The following RC3H1 variants were observed in gnomAD, a reference collection of about 807,000 sequenced individuals.
The protein encoded by RC3H1 is ring finger and CCCH-type domains 1.
Under a neutral mutation model 138.2 loss-of-function variants are expected in RC3H1, and 50 were observed. The observed-to-expected ratio is 0.36, with a 90% CI of 0.29 to 0.46. The LOEUF is 0.46. Ranked by LOEUF, RC3H1 falls within the 20% of genes least tolerant of loss-of-function variation. The pLI, the probability that RC3H1 is intolerant of heterozygous loss-of-function variation, is 1.00. For missense variants in RC3H1, 1,031 were observed against 1,388.1 expected (o/e 0.74, Z 4.09); for synonymous variants, 462 against 489.1 (o/e 0.94, Z 0.73).
intron 13 of RC3H1, 99 bp downstream of exon 13, chr1:173,960,978 G>GA (rs1231145825): frequency 3.4e-5 from 41 of 1,214,612 alleles, no homozygotes; most frequent in East Asian, 9.7e-5. Context: ...AGGAAAACAG[G>GA]AAAAAAAATC....
At chr1:174,016,688 C>G (rs530863840) in intron 1 of RC3H1, among the ~76,000 whole-genome samples, 1 of 151,760 alleles carries the variant, frequency 6.6e-6, no homozygotes, top group Admixed American at 6.6e-5. Flanking sequence ...GAAATATTTA[C>G]TAAGAACATA....
At chr1:174,020,777 G>A (rs910219088) in intron 1 of RC3H1, among the ~76,000 whole-genome samples, 6 of 152,236 alleles carry the variant, frequency 3.9e-5, no homozygotes, top group Admixed American at 2.6e-4. Context: ...GGGAGGCGGA[G>A]GAGGGCAGAT....
intron 1 of RC3H1, among the ~76,000 whole-genome samples, chr1:174,014,878 A>G (rs1661832818): frequency 6.6e-6 from 1 of 152,192 alleles, no homozygotes; most frequent in African/African-American, 2.4e-5. Context: ...TCTACTGTAT[A>G]TATGTTTATG....
At chr1:173,939,931 C>A (rs1658772181) in intron 19 of RC3H1, among the ~76,000 whole-genome samples, 1 of 152,114 alleles carries the variant, frequency 6.6e-6, no homozygotes, top group East Asian at 1.9e-4. Flanking sequence ...TATATATCAT[C>A]AGGGGGGCAA....
rs1266909647 is a variant in RC3H1, at chr1:173,933,407, G to A, written c.*5314C>T. 2 of 152,028 alleles carry A rather than the reference G, an allele frequency of 1.3e-5. No homozygotes were observed. The highest frequency in any genetic ancestry group is 3.9e-4 in the East Asian group (2 of 5,180). The allele number at this position is 152,028 out of a possible 1,614,324, so 9.4% of individuals were successfully genotyped here. ...TTAAAAGGTGTTACTTATTCCTGGT[G>A]GTGATAGTCTTACTCTTTATTAACA... On this transcript the variant is annotated 3_prime_UTR_variant, in exon 20 of 20. Transcript: ENST00000367696.
intron 12 of RC3H1, 69 bp from the exon 13 acceptor site, chr1:173,961,313 A>T: frequency 7.3e-7 from 1 of 1,373,096 alleles, no homozygotes; most frequent in Non-Finnish European, 1.0e-6. Context: ...TAATATACTC[A>T]GCGTATATTT....
intron 1 of RC3H1, among the ~76,000 whole-genome samples, chr1:173,994,809 A>G (rs918028817): frequency 1.5e-4 from 23 of 151,768 alleles, no homozygotes; most frequent in Non-Finnish European, 2.5e-4. Flanking sequence ...AAAAAAAAAA[A>G]AAAAAGAAAA....
chr1:173,988,222 C>A (rs953962259), intron 2 of RC3H1, among the ~76,000 whole-genome samples: 2 of 151,934 alleles, frequency 1.3e-5, no homozygotes, highest in Admixed American at 1.3e-4. Context: ...ACTGTTTCAC[C>A]AATTCTATCC....
chr1:173,959,527 TTGGGAGGCCAA>T (rs1219291182), intron 13 of RC3H1, among the ~76,000 whole-genome samples: 9 of 152,116 alleles, frequency 5.9e-5, no homozygotes, highest in Admixed American at 5.9e-4. Context: ...TCCCAGCACT[TTGGGAGGCCAA>T]GACGGGCAGA....
chr1:173,978,942 A>G (rs1326576372), intron 6 of RC3H1, among the ~76,000 whole-genome samples: 1 of 152,060 alleles, frequency 6.6e-6, no homozygotes, highest in Non-Finnish European at 1.5e-5. Context: ...TCTCCCCATT[A>G]ATTTACTAGA....
Position 173,942,324 on chromosome 1 carries a change from T to G in RC3H1, c.3136-944A>C, listed in dbSNP as rs866920165. ...GGCAGGCACCTGTAATCCCAGCTACTCGGGAGACTGAGGCAGGAGAATCAC... is the reference window on the plus strand; with the variant it reads ...GGCAGGCACCTGTAATCCCAGCTACGCGGGAGACTGAGGCAGGAGAATCAC... On this transcript the variant is annotated intron_variant, in intron 18 of 19. Transcript: ENST00000367696. Among the ~76,000 whole-genome samples the G allele has an allele frequency of 2.5e-4, 37 of 147,206 alleles. No homozygotes were observed. In the Middle Eastern group the frequency reaches 0.018, roughly 73 times the overall value.
At chr1:173,976,621 A>C (rs1660599016) in intron 7 of RC3H1, among the ~76,000 whole-genome samples, 1 of 152,074 alleles carries the variant, frequency 6.6e-6, no homozygotes, top group Admixed American at 6.5e-5. Context: ...GTGCCAAAAA[A>C]AGAAATGAAG....
intron 2 of RC3H1, among the ~76,000 whole-genome samples, chr1:173,985,324 A>G (rs1030171991): frequency 2.7e-5 from 4 of 147,540 alleles, no homozygotes; most frequent in Admixed American, 2.7e-4. Flanking sequence ...GTATATACCT[A>G]GGAGTCTGTA....
chr1:173,982,163 T>G (rs1174654818), intron 5 of RC3H1, among the ~76,000 whole-genome samples: 5 of 152,226 alleles, frequency 3.3e-5, no homozygotes. Flanking sequence ...GCAGATCACC[T>G]GAGGTCAGGA....
chr1:173,982,294 G>A (rs551713919), intron 5 of RC3H1, among the ~76,000 whole-genome samples: 26 of 152,098 alleles, frequency 1.7e-4, no homozygotes, highest in African/African-American at 4.1e-4. Flanking sequence ...CAGGAGAATC[G>A]CTTGAACGCA....
At chr1:174,015,532 TTTTTTTGTATTTTTAGTAGAGATGGGG>T (rs1385797092) in intron 1 of RC3H1, among the ~76,000 whole-genome samples, 7 of 148,062 alleles carry the variant, frequency 4.7e-5, no homozygotes, top group Admixed American at 1.3e-4. Flanking sequence ...GCCCGGCTAA[TTTTTTTGTATTTTTAGTAGAGATGGGG>T]TTTCACCATC....
Position 173,932,055 on chromosome 1 carries a change from G to T in RC3H1, c.*6666C>A, listed in dbSNP as rs947635491. ...GCAGGAGTATAAATTCTATCCAAAA[G>T]TGTAAGTGATTTCACTTACAACCTG... is the stretch of plus-strand genomic sequence containing the variant. On this transcript the variant is annotated 3_prime_UTR_variant, in exon 20 of 20. Coordinates refer to ENST00000367696, the MANE Select transcript of RC3H1 (RefSeq NM_172071.4). The T allele has an allele frequency of 1.3e-5, 2 of 151,946 alleles. No homozygotes were observed. The highest frequency in any genetic ancestry group is 4.8e-5 in the African/African-American group (2 of 41,366). The allele number at this position is 151,946 out of a possible 1,614,324, so 9.4% of individuals were successfully genotyped here.
In RC3H1 at chr1:173,947,480, CTG is replaced by C; in HGVS notation, c.2624_2625del (p.Thr875SerfsTer35). On this transcript the variant is annotated frameshift_variant, in exon 15 of 20. Transcript: ENST00000367696. LOFTEE classifies it high-confidence loss of function. ...CGTGAGATGGCACCAAACCGAGACA[CTG>C]TTGGTCGGTCTCCAAATGGGATGAG... ...DDLIPFGDRP[T>X]VSRFGAISRT... The C allele has an allele frequency of 6.2e-7, 1 of 1,613,952 alleles. No individual in the cohort carries two copies. The highest frequency in any genetic ancestry group is 8.5e-7 in the Non-Finnish European group (1 of 1,179,992).
At chr1:173,949,729 A>G (rs1188607842) in intron 14 of RC3H1, among the ~76,000 whole-genome samples, 1 of 152,248 alleles carries the variant, frequency 6.6e-6, no homozygotes, top group East Asian at 1.9e-4. Context: ...GAATGTTTGA[A>G]GAATGTTTGT....
Sources: allele counts gnomAD v4.1 joint callset (sites outside exome capture counted in the v4.1 genomes callset), GRCh38; gene constraint gnomAD v4.1.1; transcripts MANE v1.5; gene names NCBI Gene and HGNC (gene_info 2026-07-23, HGNC 2026-07-21).